The following CAMSAP3 variants were observed in gnomAD, a reference collection of about 807,000 sequenced individuals.
CAMSAP3 encodes the protein calmodulin regulated spectrin associated protein family member 3, also known as calmodulin-regulated spectrin-associated protein 3.
In CAMSAP3, 34 loss-of-function variants were observed where a neutral mutation model predicts 112.5. That is an observed-to-expected ratio of 0.30 (90% CI 0.23 to 0.40). The LOEUF (loss-of-function observed/expected upper bound fraction) is 0.40. Ranked by LOEUF, CAMSAP3 falls within the 10% of genes least tolerant of loss-of-function variation. The probability of loss-of-function intolerance (pLI) is 1.00; values close to 1 mark genes in which losing one functional copy is unlikely to be tolerated. For synonymous variants in CAMSAP3, 868 were observed against 799.8 expected, an observed-to-expected ratio of 1.09 and a Z score of -1.44; for missense variants, 1,602 against 1,770.3, an observed-to-expected ratio of 0.90 and a Z score of 1.71.
chr19:7,613,782 G>A (rs1012508077), intron 11 of CAMSAP3, among the ~76,000 whole-genome samples: 4 of 151,912 alleles, frequency 2.6e-5, no homozygotes, highest in Non-Finnish European at 4.4e-5. Context: ...CCCCCAGCAC[G>A]CTCCTACCAC....
Position 7,612,227 on chromosome 19 carries a change from G to C in CAMSAP3, c.1734G>C (p.Glu578Asp). ...GCAAGAAACAGCTGGTGAAGGCAGA[G>C]GCTGAGGCCGGAGCGGGGTCCCCCA... ...AERKKQLVKA[E>D]AEAGAGSPTS... is the part of the protein sequence containing the mutation. The change falls in exon 11 of 17, where the codon GAG becomes GAC. Residue 578 changes from glutamate (E) to aspartate (D), a missense_variant. By Grantham distance (45) the Glu-to-Asp change is conservative. Transcript: ENST00000160298. 6.3e-7 allele frequency: 1 copy of C among 1,593,600 alleles called. No individual in the cohort carries two copies. The highest frequency in any genetic ancestry group is 8.5e-7 in the Non-Finnish European group (1 of 1,170,910).
At position 7,610,408 on chromosome 19, in the gene CAMSAP3, C is replaced by A; in HGVS notation, c.761-68C>A. The A allele has an allele frequency of 2.0e-6, 3 of 1,471,262 alleles. No individual in the cohort carries two copies. Among genetic ancestry groups the A allele is most frequent in the South Asian group, 2.5e-5 (2 of 78,862 alleles). 91.1% of individuals were successfully genotyped at this position (1,471,262 alleles called of 1,614,324 possible). A position where few individuals can be genotyped will look rare whatever the true frequency, so the allele number is the denominator to read the frequency against. On this transcript the variant is annotated intron_variant, in intron 5 of 16. Transcript: ENST00000160298. This position sits in a 1 kb window ranked among gnomAD's most constrained non-coding sequence, Gnocchi z 4.9. ...CTTCCGTGTGTGGGGGACTGCTGGTCCCTGGCTTCCCTGGGGCCCCATCCT... is the reference window on the plus strand; with the variant it reads ...CTTCCGTGTGTGGGGGACTGCTGGTACCTGGCTTCCCTGGGGCCCCATCCT...
At chr19:7,609,009 T>C (rs1414236858) in intron 5 of CAMSAP3, among the ~76,000 whole-genome samples, 1 of 152,034 alleles carries the variant, frequency 6.6e-6, no homozygotes, top group Non-Finnish European at 1.5e-5. Flanking sequence ...AAAAAACTCT[T>C]TTTTCTTTTT....
At position 7,613,128 on chromosome 19, in the gene CAMSAP3, G is replaced by A. The variant is rs1304925999; in HGVS notation, c.2635G>A (p.Gly879Arg). ...DSLEEEASSE[G>R]EPRVGLGFFY... ...CTTGGAGGAGGAGGCGTCTTCGGAG[G>A]GGGAGCCCCGGGTGGGGCTGGGGTT... The change falls in exon 11 of 17, where the codon GGG becomes AGG. Residue 879 changes from glycine (G) to arginine (R), a missense_variant. This residue lies in a region of CAMSAP3 where 1,100 missense variants were observed against 1,135.7 expected (regional missense o/e 0.97). Transcript: ENST00000160298. The A allele has an allele frequency of 6.5e-7, 1 of 1,543,490 alleles. No homozygotes were observed. The highest frequency in any genetic ancestry group is 1.2e-5 in the South Asian group (1 of 83,656).
At chr19:7,603,854 G>T (rs2030078378) in intron 1 of CAMSAP3, among the ~76,000 whole-genome samples, 1 of 151,816 alleles carries the variant, frequency 6.6e-6, no homozygotes, top group Admixed American at 6.6e-5. Flanking sequence ...GGCTGTGCAG[G>T]CTGGGCGTGG....
Position 7,617,472 on chromosome 19 carries a change from C to A in CAMSAP3, c.3325+34C>A. Reference sequence around the variant, plus strand: ...GGGCTCTGGGTGATGTGAGGAGCAACAGGCACCCTCCTCCACAGCCCCTGC... The same window carrying A: ...GGGCTCTGGGTGATGTGAGGAGCAAAAGGCACCCTCCTCCACAGCCCCTGC... On this transcript the variant is annotated intron_variant, in intron 15 of 16. Coordinates refer to ENST00000160298, the MANE Select transcript of CAMSAP3 (RefSeq NM_020902.2). The surrounding 1 kb of genome is among the most constrained non-coding windows in gnomAD (Gnocchi z 7.5). 1 of 1,605,692 alleles carries A rather than the reference C, an allele frequency of 6.2e-7. No homozygotes were observed. Among genetic ancestry groups the A allele is most frequent in the Non-Finnish European group, 8.5e-7 (1 of 1,172,404 alleles).
chr19:7,604,141 C>A (rs1389299601), intron 1 of CAMSAP3, among the ~76,000 whole-genome samples: 1 of 152,126 alleles, frequency 6.6e-6, no homozygotes, highest in Non-Finnish European at 1.5e-5. Flanking sequence ...CTCCAAAAAA[C>A]CGCAAAAGCT....
chr19:7,616,127 C>T (rs1034112639), intron 13 of CAMSAP3, among the ~76,000 whole-genome samples: 11 of 148,684 alleles, frequency 7.4e-5, no homozygotes, highest in East Asian at 2.0e-4. Context: ...GTGGAGGTTG[C>T]GGTGAGCCAA....
At position 7,613,012 on chromosome 19, in the gene CAMSAP3, G is replaced by C. The variant is rs755873356; in HGVS notation, c.2519G>C (p.Arg840Pro). 32 of 1,563,906 alleles carry C rather than the reference G, an allele frequency of 2.0e-5. No homozygotes were observed. Among genetic ancestry groups the C allele is most frequent in the Admixed American group, 3.7e-5 (2 of 53,636 alleles). The change falls in exon 11 of 17, where the codon CGG becomes CCG. Residue 840 changes from arginine to proline, a missense_variant. Arg to Pro is a moderately radical substitution (Grantham distance 103, BLOSUM62 -2). This residue lies in a region of CAMSAP3 where 1,100 missense variants were observed against 1,135.7 expected (regional missense o/e 0.97). Coordinates refer to ENST00000160298, the MANE Select transcript of CAMSAP3 (RefSeq NM_020902.2). ...EETPPEEPAA[R>P]PGLIEIPLGS... Reference sequence around the variant, plus strand: ...ACGCCCCCCGAGGAGCCAGCCGCCCGGCCGGGCCTCATCGAGATCCCGCTG... The same window carrying C: ...ACGCCCCCCGAGGAGCCAGCCGCCCCGCCGGGCCTCATCGAGATCCCGCTG...
Position 7,617,999 on chromosome 19 carries a change from A to G in CAMSAP3, c.3692A>G (p.His1231Arg), listed in dbSNP as rs1173989404. ...MSVDAFTIQG[H>R]LWQGKKPTTP... ...GTCGATGCCTTCACCATCCAGGGACACCTCTGGCAGGGCAAGAAACCCACC... is the reference window on the plus strand; with the variant it reads ...GTCGATGCCTTCACCATCCAGGGACGCCTCTGGCAGGGCAAGAAACCCACC... Residue 1231 changes from histidine (H) to arginine (R), a missense_variant, in exon 17 of 17, where the codon CAC becomes CGC. Physicochemically the swap from His to Arg is conservative, Grantham distance 29. This residue lies in a region of CAMSAP3 where 150 missense variants were observed against 207.6 expected (regional missense o/e 0.72). Coordinates refer to ENST00000160298, the MANE Select transcript of CAMSAP3 (RefSeq NM_020902.2). The surrounding 1 kb of genome is among the most constrained non-coding windows in gnomAD (Gnocchi z 7.5). 6.2e-7 allele frequency: 1 copy of G among 1,614,026 alleles called. No individual in the cohort carries two copies. The highest frequency in any genetic ancestry group is 1.7e-5 in the Admixed American group (1 of 60,010).
Position 7,612,748 on chromosome 19 carries a change from C to G in CAMSAP3, c.2255C>G (p.Pro752Arg). Residue 752 changes from proline (P) to arginine (R), a missense_variant, in exon 11 of 17, where the codon CCC (proline) becomes CGC (arginine). Pro to Arg is a moderately radical substitution (Grantham distance 103, BLOSUM62 -2). Coordinates refer to ENST00000160298, the MANE Select transcript of CAMSAP3 (RefSeq NM_020902.2). ...GTCATCCCTGGCCCCACGACGGGGC[C>G]CAAAGCTGCATCCCCCAGCCCCGCC... is the stretch of plus-strand genomic sequence containing the variant. ...AWVIPGPTTG[P>R]KAASPSPARR... The G allele has an allele frequency of 6.5e-7, 1 of 1,532,530 alleles. No individual in the cohort carries two copies. Among genetic ancestry groups the G allele is most frequent in the African/African-American group, 1.4e-5 (1 of 72,704 alleles). The allele number at this position is 1,532,530 out of a possible 1,614,324, so 94.9% of individuals were successfully genotyped here.
At chr19:7,596,841 G>C (rs1282405804) in intron 1 of CAMSAP3, among the ~76,000 whole-genome samples, 1 of 152,168 alleles carries the variant, frequency 6.6e-6, no homozygotes, top group African/African-American at 2.4e-5. Context: ...ATCGCCTGGG[G>C]TGGGCCCCCC....
In CAMSAP3 at chr19:7,596,067, A is replaced by G; in HGVS notation, c.65A>G (p.Lys22Arg). 1 of 1,281,568 alleles carries G rather than the reference A, an allele frequency of 7.8e-7. No homozygotes were observed. The highest frequency in any genetic ancestry group is 2.5e-5 in the Admixed American group (1 of 39,928). The allele number at this position is 1,281,568 out of a possible 1,614,324, so 79.4% of individuals were successfully genotyped here. ...AGGACCTTTCTAGTGCCCGAGATCA[A>G]GTCGCTGGACCAGTACGATTTCTCG... Reference protein sequence around the residue: ...LRRTFLVPEIKSLDQYDFSRA... With the variant: ...LRRTFLVPEIRSLDQYDFSRA... Residue 22 changes from lysine to arginine, a missense_variant, in exon 1 of 17, where the codon AAG becomes AGG. This residue lies in a region of CAMSAP3 where 147 missense variants were observed against 144.6 expected (regional missense o/e 1.02). Transcript: ENST00000160298.
Position 7,615,506 on chromosome 19 carries a change from G to C in CAMSAP3, c.2899G>C (p.Glu967Gln), listed in dbSNP as rs1245952793. ...AGCCCCTGCTGCCCGGGCTCCAGCC[G>C]AGGAGGAGGTGGGCCCCCGGAAGGG... ...TPAPAARAPA[E>Q]EEVGPRKGDF... The change falls in exon 13 of 17, where the codon GAG becomes CAG. Residue 967 changes from glutamate (E) to glutamine (Q), a missense_variant. By Grantham distance (29) the Glu-to-Gln change is conservative (BLOSUM62 2). This residue lies in a region of CAMSAP3 where 1,100 missense variants were observed against 1,135.7 expected (regional missense o/e 0.97). Coordinates refer to ENST00000160298, the MANE Select transcript of CAMSAP3 (RefSeq NM_020902.2). This position sits in a 1 kb window ranked among gnomAD's most constrained non-coding sequence, Gnocchi z 6.5. 4.5e-6 allele frequency: 7 copies of C among 1,539,130 alleles called. 1 individual carries two copies. The East Asian group carries it at 1.7e-4, about 38-fold the overall frequency.
chr19:7,597,674 G>A (rs1192022734), intron 1 of CAMSAP3, among the ~76,000 whole-genome samples: 4 of 152,240 alleles, frequency 2.6e-5, no homozygotes, highest in African/African-American at 7.2e-5. Flanking sequence ...CGCGTGGCAC[G>A]GGGCGCGTGA....
Position 7,618,125 on chromosome 19 carries a change from TCG to T in CAMSAP3, c.*69_*70del. The T allele has an allele frequency of 3.3e-6, 5 of 1,523,768 alleles. No homozygotes were observed. Among genetic ancestry groups the T allele is most frequent in the Non-Finnish European group, 4.4e-6 (5 of 1,127,156 alleles). 94.4% of individuals were successfully genotyped at this position (1,523,768 alleles called of 1,614,324 possible). On this transcript the variant is annotated 3_prime_UTR_variant, in exon 17 of 17. Transcript: ENST00000160298. Reference sequence around the variant, plus strand: ...CCGCCATCCCCTGGAGGACAGTCAGTCGGTATTCCTGGGTCCTGTCTGTCCCC... The same window carrying T: ...CCGCCATCCCCTGGAGGACAGTCAGTGTATTCCTGGGTCCTGTCTGTCCCC...
chr19:7,608,375 C>G, intron 5 of CAMSAP3, 111 bp downstream of exon 5: 1 of 1,337,282 alleles, frequency 7.5e-7, no homozygotes, highest in Non-Finnish European at 1.0e-6. Context: ...ATGCAGTGGT[C>G]ATGAGGGCAG....
rs1413373385 is a variant in CAMSAP3, at chr19:7,615,625, G to C, written c.3018G>C (p.Gly1006=). ...TGCGGCCCCGGGCTGCGGGGTCCGGGGGTCCAGGTCGGGGCGGGCGGAGGG... is the reference window on the plus strand; with the variant it reads ...TGCGGCCCCGGGCTGCGGGGTCCGGCGGTCCAGGTCGGGGCGGGCGGAGGG... ...KVLRPRAAGS[G]GPGRGGRRAT... is the part of the protein sequence containing the mutation. Residue 1006 remains glycine (G), a synonymous_variant, in exon 13 of 17, where the codon GGG becomes GGC. Transcript: ENST00000160298. The surrounding 1 kb of genome is among the most constrained non-coding windows in gnomAD (Gnocchi z 6.5). 1.4e-5 allele frequency: 20 copies of C among 1,449,024 alleles called. No individual in the cohort carries two copies. Among genetic ancestry groups the C allele is most frequent in the Non-Finnish European group, 1.8e-5 (20 of 1,103,006 alleles). 89.8% of individuals were successfully genotyped at this position (1,449,024 alleles called of 1,614,324 possible).
In CAMSAP3 at chr19:7,612,875, G is replaced by C; in HGVS notation, c.2382G>C (p.Leu794Phe). 1 of 1,605,750 alleles carries C rather than the reference G, an allele frequency of 6.2e-7. No homozygotes were observed. Among genetic ancestry groups the C allele is most frequent in the African/African-American group, 1.3e-5 (1 of 74,648 alleles). The change falls in exon 11 of 17, where the codon TTG becomes TTC. Residue 794 changes from leucine (L) to phenylalanine (F), a missense_variant. Coordinates refer to ENST00000160298, the MANE Select transcript of CAMSAP3 (RefSeq NM_020902.2). Reference sequence around the variant, plus strand: ...CAGCGGAGCTGCGGCTGGCACCCTTGACCAGGGTGCTTACGCCACCCCACG... The same window carrying C: ...CAGCGGAGCTGCGGCTGGCACCCTTCACCAGGGTGCTTACGCCACCCCACG... ...TRPAELRLAP[L>F]TRVLTPPHDV...
Sources: allele counts gnomAD v4.1 joint callset (sites outside exome capture counted in the v4.1 genomes callset), GRCh38; gene constraint gnomAD v4.1.1; regional missense constraint gnomAD v4.1.1; non-coding constraint Gnocchi (gnomAD v3.1); transcripts MANE v1.5; gene names NCBI Gene and HGNC (gene_info 2026-07-23, HGNC 2026-07-21).